The following TRIM9 variants were observed in gnomAD, a reference collection of about 807,000 sequenced individuals.
The protein encoded by TRIM9 is tripartite motif containing 9, also known as E3 ubiquitin-protein ligase TRIM9.
Under a neutral mutation model 78.3 loss-of-function variants are expected in TRIM9, and 26 were observed. The ratio of observed to expected loss-of-function variants is 0.33; its 90% confidence interval spans 0.24 to 0.46. TRIM9 has a LOEUF of 0.46. Among genes scored for constraint, TRIM9 ranks in the 20% least tolerant of loss-of-function variants. The probability of loss-of-function intolerance (pLI) is 1.00; values close to 1 mark genes in which losing one functional copy is unlikely to be tolerated. For missense variants in TRIM9, 787 were observed against 1,036.4 expected (o/e 0.76, Z 3.30); for synonymous variants, 398 against 416.5 (o/e 0.96, Z 0.54).
chr14:51,058,455 G>C (rs578220915), intron 1 of TRIM9, among the ~76,000 whole-genome samples: 22 of 152,334 alleles, frequency 1.4e-4, no homozygotes, highest in African/African-American at 4.8e-4. Flanking sequence ...AATAAAGACT[G>C]CATTTCTTAG....
At chr14:51,065,277 G>A (rs1376196585) in intron 1 of TRIM9, among the ~76,000 whole-genome samples, 1 of 152,190 alleles carries the variant, frequency 6.6e-6, no homozygotes, top group African/African-American at 2.4e-5. Context: ...TGAAACCGCT[G>A]AATGTCAACA....
chr14:51,077,985 C>T (rs1006146582), intron 1 of TRIM9, among the ~76,000 whole-genome samples: 19 of 152,174 alleles, frequency 1.2e-4, no homozygotes, highest in African/African-American at 4.3e-4. Context: ...ACTGTGTGAA[C>T]GACCCAATTG....
At chr14:51,053,716 T>C (rs925949019) in intron 1 of TRIM9, among the ~76,000 whole-genome samples, 9 of 151,134 alleles carry the variant, frequency 6.0e-5, no homozygotes, top group Non-Finnish European at 1.2e-4. Flanking sequence ...CATCTAGCAT[T>C]AGGTATATCT....
chr14:50,994,880 A>G (rs17796553), intron 7 of TRIM9, among the ~76,000 whole-genome samples: 12,059 of 152,258 alleles, frequency 0.079, 623 homozygotes, highest in Middle Eastern at 0.18. Flanking sequence ...GTTATATTTC[A>G]TCTTAAGTCA....
At chr14:50,990,440 T>A (rs1375026364) in intron 7 of TRIM9, among the ~76,000 whole-genome samples, 3 of 152,168 alleles carry the variant, frequency 2.0e-5, no homozygotes, top group Non-Finnish European at 4.4e-5. Context: ...ATAAGAAAAA[T>A]AATAATTTAG....
At chr14:51,053,523 T>C (rs796631574) in intron 1 of TRIM9, among the ~76,000 whole-genome samples, 7,499 of 147,178 alleles carry the variant, frequency 0.051, 270 homozygotes, top group East Asian at 0.086. Context: ...TTTTTTTTTT[T>C]TTTTTTATGC....
At chr14:50,983,330 T>C in intron 9 of TRIM9, 50 bp downstream of exon 9, 1 of 1,420,614 alleles carries the variant, frequency 7.0e-7, no homozygotes, top group Non-Finnish European at 9.6e-7. Flanking sequence ...TGAAGGAAAT[T>C]GAGCACACCA....
At chr14:51,032,116 A>G (rs1319140618) in intron 1 of TRIM9, among the ~76,000 whole-genome samples, 1 of 152,240 alleles carries the variant, frequency 6.6e-6, no homozygotes, top group African/African-American at 2.4e-5. Flanking sequence ...ATTTAAGTCT[A>G]AACATGCTGT....
intron 5 of TRIM9, among the ~76,000 whole-genome samples, chr14:51,004,942 A>G (rs970630308): frequency 6.6e-6 from 1 of 152,180 alleles, no homozygotes; most frequent in Non-Finnish European, 1.5e-5. Flanking sequence ...CTTCACAACT[A>G]TGGTGGTTGG....
intron 2 of TRIM9, 115 bp from the exon 3 acceptor site, chr14:51,023,072 C>T (rs1272807039): frequency 7.3e-7 from 1 of 1,369,742 alleles, no homozygotes; most frequent in African/African-American, 1.5e-5. Flanking sequence ...GTCCACAATG[C>T]ACATTTGGTA....
chr14:51,061,905 T>C (rs1158136523), intron 1 of TRIM9, among the ~76,000 whole-genome samples: 1 of 152,188 alleles, frequency 6.6e-6, no homozygotes, highest in Non-Finnish European at 1.5e-5. Flanking sequence ...CCCCTACTAT[T>C]GCAGGACTCC....
At position 51,013,782 on chromosome 14, in the gene TRIM9, A is replaced by G. The variant is rs74052519; in HGVS notation, c.1042-3288T>C. Among the ~76,000 whole-genome samples the G allele has an allele frequency of 2.0e-3, 301 of 152,310 alleles. 1 individual carries two copies. Among genetic ancestry groups the G allele is most frequent in the African/African-American group, 6.8e-3 (282 of 41,556 alleles). ...AAATTATTTTATTTTTTATTCATAA[A>G]ATAACAGGAAGGTTAGGCTTCCATT... is the stretch of plus-strand genomic sequence containing the variant. On this transcript the variant is annotated intron_variant, in intron 3 of 12. Transcript: ENST00000684578.
chr14:51,076,475 C>G (rs372828177), intron 1 of TRIM9, among the ~76,000 whole-genome samples: 1 of 152,146 alleles, frequency 6.6e-6, no homozygotes. Flanking sequence ...GCATTTCAGC[C>G]GTTCTTTCCA....
Position 51,006,659 on chromosome 14 carries a change from A to T in TRIM9, c.1306+2421T>A, listed in dbSNP as rs368202261. 2.7e-4 allele frequency among the ~76,000 whole-genome samples: 41 copies of T among 152,370 alleles called. No homozygotes were observed. In the East Asian group the frequency reaches 7.7e-3, roughly 29 times the overall value. On this transcript the variant is annotated intron_variant, in intron 5 of 12. Transcript: ENST00000684578. ...AATTAAATTAGACAAAGTGTTAAAAAAGAAAATGAAAATGGAAGACTATAA... is the reference window on the plus strand; with the variant it reads ...AATTAAATTAGACAAAGTGTTAAAATAGAAAATGAAAATGGAAGACTATAA...
chr14:51,025,684 A>C (rs1190093202), intron 1 of TRIM9, among the ~76,000 whole-genome samples: 1 of 152,220 alleles, frequency 6.6e-6, no homozygotes, highest in Non-Finnish European at 1.5e-5. Flanking sequence ...AAGGACTAAA[A>C]AAGCAAAACA....
intron 5 of TRIM9, among the ~76,000 whole-genome samples, chr14:51,006,860 TCTTA>T (rs1365019075): frequency 6.6e-6 from 1 of 152,146 alleles, no homozygotes; most frequent in African/African-American, 2.4e-5. Flanking sequence ...GCCTTGTCCC[TCTTA>T]CTTTTGTGCG....
intron 12 of TRIM9, 38 bp from the exon 13 acceptor site, chr14:50,977,391 C>CAT: frequency 6.8e-7 from 1 of 1,467,554 alleles, no homozygotes; most frequent in Non-Finnish European, 9.1e-7. Flanking sequence ...AGGCATCGTG[C>CAT]ATCCCCCTGT....
Position 51,095,079 on chromosome 14 carries a change from G to A in TRIM9, c.-140C>T. 3.6e-6 allele frequency: 2 copies of A among 559,520 alleles called. No homozygotes were observed. The highest frequency in any genetic ancestry group is 5.5e-6 in the Non-Finnish European group (2 of 361,640). 34.7% of individuals were successfully genotyped at this position (559,520 alleles called of 1,614,324 possible). A position where few individuals can be genotyped will look rare whatever the true frequency, so the allele number is the denominator to read the frequency against. On this transcript the variant is annotated 5_prime_UTR_variant, in exon 1 of 13. Transcript: ENST00000684578. ...GTGCCTTCCCGCGCAGCACTGGCAC[G>A]GACACCCAGAGAGGCGCTAGCTCTG...
intron 11 of TRIM9, among the ~76,000 whole-genome samples, chr14:50,980,266 AC>A (rs2051682631): frequency 6.6e-6 from 1 of 152,192 alleles, no homozygotes. Context: ...ATTTTAAAGA[AC>A]CTGCATACAA....
Sources: gnomAD v4.1 joint callset for allele counts (sites outside exome capture counted in the v4.1 genomes callset) on GRCh38, gnomAD v4.1.1 for gene constraint, MANE v1.5 for transcripts, NCBI Gene and HGNC (gene_info 2026-07-23, HGNC 2026-07-21) for gene names.